The following HACL2 variants were observed in gnomAD, a reference collection of about 807,000 sequenced individuals.
HACL2 encodes 2-hydroxyacyl-CoA lyase 1 like.
the HACL2 span, among the ~76,000 whole-genome samples, chr19:15,121,826 AAG>A: frequency 6.6e-6 from 1 of 150,982 alleles, no homozygotes; most frequent in African/African-American, 2.4e-5. Flanking sequence ...AAAAAAAAAA[AAG>A]AAAGAAAAGG....
At chr19:15,118,182 C>A in the HACL2 span, among the ~76,000 whole-genome samples, 19 of 152,210 alleles carry the variant, frequency 1.2e-4, no homozygotes, top group African/African-American at 4.3e-4. Flanking sequence ...TGAATCGGGA[C>A]TGGCCTCATG....
the HACL2 span, chr19:15,123,664 G>C: frequency 2.3e-5 from 28 of 1,210,760 alleles, no homozygotes; most frequent in South Asian, 3.2e-4. The surrounding 1 kb of genome is among the most constrained non-coding windows in gnomAD (Gnocchi z 5.1). Context: ...CCCCAGGTAA[G>C]GGGGCAGGAG....
At chr19:15,119,134 GGAA>G in the HACL2 span, 4 of 1,521,304 alleles carry the variant, frequency 2.6e-6, no homozygotes, top group African/African-American at 1.4e-5. Context: ...GGTTCCTGGG[GGAA>G]GGAGGGAAAG....
the HACL2 span, chr19:15,124,577 AC>A: frequency 3.2e-6 from 1 of 308,420 alleles, no homozygotes; most frequent in Non-Finnish European, 6.1e-6. Context: ...TGTCACTGCC[AC>A]CCCCTCGCTG....
At chr19:15,125,212 C>G in the HACL2 span, 6 of 818,852 alleles carry the variant, frequency 7.3e-6, no homozygotes, top group African/African-American at 1.7e-5. Context: ...CCTGCCAGAC[C>G]ACGCCCTTTG....
At chr19:15,122,678 G>A in the HACL2 span, 9 of 1,601,634 alleles carry the variant, frequency 5.6e-6, no homozygotes, top group South Asian at 7.7e-5. The surrounding 1 kb of genome is among the most constrained non-coding windows in gnomAD (Gnocchi z 4.0). Context: ...GAATGGCAGG[G>A]GTGGGGCTAT....
the HACL2 span, chr19:15,122,663 G>C: frequency 6.4e-7 from 1 of 1,571,034 alleles, no homozygotes; most frequent in South Asian, 1.1e-5. This position sits in a 1 kb window ranked among gnomAD's most constrained non-coding sequence, Gnocchi z 4.0. Flanking sequence ...GGGGGATAAA[G>C]GAGGGAATGG....
the HACL2 span, chr19:15,116,708 G>A: frequency 3.6e-5 from 21 of 588,760 alleles, no homozygotes; most frequent in South Asian, 3.9e-4. Flanking sequence ...GGGGAGGGCA[G>A]CCCAGGTGAA....
At chr19:15,115,095 CCT>C in the HACL2 span, 23 of 803,486 alleles carry the variant, frequency 2.9e-5, no homozygotes, top group Non-Finnish European at 3.8e-5. Context: ...CACAAGAGAG[CCT>C]CTCTGAGATT....
chr19:15,120,667 C>T, the HACL2 span, among the ~76,000 whole-genome samples: 696 of 152,304 alleles, frequency 4.6e-3, 12 homozygotes, highest in East Asian at 0.054. Context: ...CCTCAGGGGG[C>T]GCTCTATCCA....
chr19:15,125,219 T>A, the HACL2 span: 1 of 757,524 alleles, frequency 1.3e-6, no homozygotes, highest in Non-Finnish European at 2.1e-6. Context: ...GACCACGCCC[T>A]TTGTGCGCCT....
At chr19:15,125,129 T>C in the HACL2 span, 1 of 1,422,076 alleles carries the variant, frequency 7.0e-7, no homozygotes. Context: ...CCGGAAGAAA[T>C]CGCGCCCCTT....
the HACL2 span, among the ~76,000 whole-genome samples, chr19:15,119,803 G>A: frequency 1.3e-5 from 2 of 152,030 alleles, no homozygotes; most frequent in African/African-American, 2.4e-5. Flanking sequence ...CGCCTGCCTC[G>A]GCCTCCCTAA....
At chr19:15,115,641 C>A in the HACL2 span, 1 of 1,613,982 alleles carries the variant, frequency 6.2e-7, no homozygotes, top group Non-Finnish European at 8.5e-7. Context: ...GTCCAGCCAG[C>A]ATCATTCCCT....
At chr19:15,125,229 T>A in the HACL2 span, 3 of 721,894 alleles carry the variant, frequency 4.2e-6, no homozygotes, top group Non-Finnish European at 6.8e-6. Context: ...TTTGTGCGCC[T>A]AGGCTCGGGG....
chr19:15,116,723 G>A, the HACL2 span: 1 of 579,022 alleles, frequency 1.7e-6, no homozygotes, highest in Non-Finnish European at 3.1e-6. Context: ...GGTGAAAAGG[G>A]AAGACAAGGC....
chr19:15,116,773 A>C, the HACL2 span: 2 of 490,242 alleles, frequency 4.1e-6, no homozygotes, highest in South Asian at 2.9e-5. Context: ...CAGGTGACAA[A>C]CCCAAGCTGG....
the HACL2 span, chr19:15,116,018 A>C: frequency 6.2e-7 from 1 of 1,614,092 alleles, no homozygotes; most frequent in South Asian, 1.1e-5. Context: ...TCTGGCCGGC[A>C]CAGCTTGGCC....
chr19:15,116,366 G>T, the HACL2 span: 2 of 1,613,834 alleles, frequency 1.2e-6, no homozygotes, highest in African/African-American at 1.3e-5. Flanking sequence ...AGCAGGGTCT[G>T]CCGGGAACCC....
Sources: gnomAD v4.1 joint callset for allele counts (sites outside exome capture counted in the v4.1 genomes callset) on GRCh38, gnomAD v4.1.1 for gene constraint, Gnocchi (gnomAD v3.1) non-coding constraint, MANE v1.5 for transcripts, NCBI Gene and HGNC (gene_info 2026-07-23, HGNC 2026-07-21) for gene names.